TAFA4: variants seen among roughly 807,000 people sequenced by gnomAD.
TAFA4 encodes TAFA chemokine like family member 4, also known as chemokine-like protein TAFA-4.
TAFA4 carries 20 observed loss-of-function variants against 21.1 expected under a neutral mutation model. The observed-to-expected ratio is 0.95, with a 90% CI of 0.67 to 1.38. The LOEUF (loss-of-function observed/expected upper bound fraction) is 1.38, where lower values mean the gene tolerates loss of function less well. Among genes scored for constraint, TAFA4 ranks in the 40% most tolerant of loss-of-function variants. The probability of loss-of-function intolerance (pLI) is 0.00; values close to 1 mark genes in which losing one functional copy is unlikely to be tolerated. For missense variants in TAFA4, 211 were observed against 180.9 expected (o/e 1.17, Z -0.95); for synonymous variants, 71 against 67.4 (o/e 1.05, Z -0.26).
At chr3:68,913,705 G>C (rs1460646883) in intron 1 of TAFA4, 1 of 152,126 alleles carries the variant, frequency 6.6e-6, no homozygotes, top group African/African-American at 2.4e-5. Context: ...TACAGAATGA[G>C]AACCATTTGG....
At chr3:68,772,798 C>T (rs1702982460) in intron 3 of TAFA4, among the ~76,000 whole-genome samples, 1 of 152,170 alleles carries the variant, frequency 6.6e-6, no homozygotes, top group Non-Finnish European at 1.5e-5. Flanking sequence ...TAGCCTCCAT[C>T]ATCACATGAG....
At chr3:68,762,011 T>C (rs1005649187) in intron 3 of TAFA4, among the ~76,000 whole-genome samples, 1 of 151,672 alleles carries the variant, frequency 6.6e-6, no homozygotes, top group Non-Finnish European at 1.5e-5. Context: ...CTGAGAGAAG[T>C]CCAGATATTT....
chr3:68,833,479 G>C (rs1453595253), intron 3 of TAFA4, among the ~76,000 whole-genome samples: 2 of 152,122 alleles, frequency 1.3e-5, no homozygotes, highest in Non-Finnish European at 2.9e-5. Context: ...ATTGTAGCAT[G>C]TCTGAGGAGC....
intron 3 of TAFA4, among the ~76,000 whole-genome samples, chr3:68,770,323 TTG>T (rs1488889367): frequency 7.2e-5 from 11 of 152,188 alleles, no homozygotes; most frequent in Non-Finnish European, 1.5e-4. Flanking sequence ...GTAGAAAAGT[TTG>T]TGACAGCTCA....
intron 3 of TAFA4, among the ~76,000 whole-genome samples, chr3:68,847,514 G>T (rs1704835353): frequency 6.6e-6 from 1 of 152,188 alleles, no homozygotes; most frequent in East Asian, 1.9e-4. Context: ...GTAGTGAATG[G>T]TTCTCTCTCA....
chr3:68,837,385 G>C (rs1251415521), intron 3 of TAFA4, among the ~76,000 whole-genome samples: 1 of 152,232 alleles, frequency 6.6e-6, no homozygotes, highest in Non-Finnish European at 1.5e-5. Context: ...GCCACAAAGT[G>C]TGCCCATGAG....
rs60973878 is a variant in TAFA4, at chr3:68,900,283, C to CAAT, written c.-122-14976_-122-14974dup. Among the ~76,000 whole-genome samples the CAAT allele has an allele frequency of 5.1e-3, 618 of 120,606 alleles. 4 individuals carry two copies. The highest frequency in any genetic ancestry group is 0.016 in the African/African-American group (504 of 32,176). 79.1% of individuals were successfully genotyped at this position (120,606 alleles called of 152,430 possible). A position where few individuals can be genotyped will look rare whatever the true frequency, so the allele number is the denominator to read the frequency against. ...ATAATAATAATAATAATAATAATAA[C>CAAT]AATAATAATAATAATAATAATAATA... On this transcript the variant is annotated intron_variant, in intron 1 of 5. Transcript: ENST00000295569.
intron 3 of TAFA4, among the ~76,000 whole-genome samples, chr3:68,868,886 C>A (rs1380463350): frequency 6.6e-6 from 1 of 151,444 alleles, no homozygotes; most frequent in East Asian, 1.9e-4. Flanking sequence ...AATACCAGAG[C>A]AGAAATAATG....
chr3:68,851,412 G>T (rs1704947003), intron 3 of TAFA4, among the ~76,000 whole-genome samples: 1 of 152,012 alleles, frequency 6.6e-6, no homozygotes, highest in Non-Finnish European at 1.5e-5. Flanking sequence ...CTAGGTGATG[G>T]GTTGATAGGT....
intron 4 of TAFA4, among the ~76,000 whole-genome samples, chr3:68,751,328 C>T (rs1448482848): frequency 2.9e-5 from 4 of 138,922 alleles, no homozygotes; most frequent in Admixed American, 7.0e-5. Context: ...GTAGATCATT[C>T]TGGGTAGAGG....
intron 4 of TAFA4, among the ~76,000 whole-genome samples, chr3:68,742,598 A>G (rs757790002): frequency 6.6e-6 from 1 of 152,198 alleles, no homozygotes; most frequent in Non-Finnish European, 1.5e-5. Flanking sequence ...GGTGAGGGAT[A>G]AAAGACTACA....
chr3:68,786,428 T>C (rs958621663), intron 3 of TAFA4, among the ~76,000 whole-genome samples: 24 of 152,138 alleles, frequency 1.6e-4, no homozygotes, highest in African/African-American at 5.8e-4. Context: ...ATCACACCTA[T>C]GAGTAAACAC....
chr3:68,895,850 G>T (rs975758226), intron 1 of TAFA4, among the ~76,000 whole-genome samples: 6 of 152,202 alleles, frequency 3.9e-5, no homozygotes, highest in Admixed American at 2.0e-4. Context: ...TGGACTGAGA[G>T]AAGCATTACA....
intron 3 of TAFA4, among the ~76,000 whole-genome samples, chr3:68,861,900 G>A (rs1229780949): frequency 2.6e-5 from 4 of 151,944 alleles, no homozygotes; most frequent in African/African-American, 4.8e-5. Flanking sequence ...TGGGGAGAGG[G>A]GATATTGCCA....
At chr3:68,774,490 A>G (rs1703016067) in intron 3 of TAFA4, among the ~76,000 whole-genome samples, 1 of 152,184 alleles carries the variant, frequency 6.6e-6, no homozygotes. Flanking sequence ...AAACCAAGAA[A>G]TACAATTAAA....
intron 3 of TAFA4, among the ~76,000 whole-genome samples, chr3:68,791,986 TA>T (rs930230007): frequency 3.3e-5 from 5 of 151,528 alleles, no homozygotes; most frequent in African/African-American, 4.8e-5. Context: ...ATTTAGATTC[TA>T]AAAAAAAACT....
intron 1 of TAFA4, among the ~76,000 whole-genome samples, chr3:68,891,960 C>G (rs1421813180): frequency 3.3e-5 from 5 of 152,194 alleles, no homozygotes; most frequent in African/African-American, 1.2e-4. Flanking sequence ...TAACTTCTCT[C>G]TTGACAAATA....
chr3:68,753,764 G>C (rs890215513), intron 3 of TAFA4, among the ~76,000 whole-genome samples: 1 of 152,118 alleles, frequency 6.6e-6, no homozygotes. Flanking sequence ...AAGATGGAGG[G>C]GCCACATGTC....
chr3:68,870,053 T>C (rs1455431275), intron 3 of TAFA4, among the ~76,000 whole-genome samples: 2 of 152,044 alleles, frequency 1.3e-5, no homozygotes, highest in African/African-American at 2.4e-5. Context: ...ATAGCATTTA[T>C]ATGCAAAGAA....
Sources: allele counts gnomAD v4.1 joint callset (sites outside exome capture counted in the v4.1 genomes callset), GRCh38; gene constraint gnomAD v4.1.1; transcripts MANE v1.5; gene names NCBI Gene and HGNC (gene_info 2026-07-23, HGNC 2026-07-21).